ARNT2: variants seen among roughly 807,000 people sequenced by gnomAD.
ARNT2 encodes ARNT protein 2.
In ARNT2, 36 loss-of-function variants were observed where a neutral mutation model predicts 91.7. The ratio of observed to expected loss-of-function variants is 0.39; its 90% CI spans 0.30 to 0.52. ARNT2 has a LOEUF of 0.52. Ranked by LOEUF, ARNT2 falls within the 20% of genes least tolerant of loss-of-function variation. ARNT2 has a pLI of 0.72. For missense variants in ARNT2, 775 were observed against 939.3 expected (o/e 0.83, Z 2.29); for synonymous variants, 365 against 347.1 (o/e 1.05, Z -0.57).
In ARNT2 at chr15:80,503,258, C is replaced by T. The variant is rs113577110; in HGVS notation, c.623-4898C>T. ...TTCCATGACACTGGGATTCACAACC[C>T]AGTGCTGGGGCGATGGCCACTTGAT... On this transcript the variant is annotated intron_variant, in intron 5 of 18. Transcript: ENST00000303329. Among the ~76,000 whole-genome samples, 349 of 152,346 alleles carry T rather than the reference C, an allele frequency of 2.3e-3. 1 individual carries two copies. The highest frequency in any genetic ancestry group is 3.9e-3 in the Non-Finnish European group (263 of 68,030).
At chr15:80,406,777 G>A (rs950560251) in intron 1 of ARNT2, among the ~76,000 whole-genome samples, 22 of 152,316 alleles carry the variant, frequency 1.4e-4, no homozygotes, top group Middle Eastern at 3.4e-3. Flanking sequence ...GAGATCTTCA[G>A]CATGGTGATA....
intron 4 of ARNT2, among the ~76,000 whole-genome samples, chr15:80,471,125 C>A (rs1896725866): frequency 6.6e-6 from 1 of 152,216 alleles, no homozygotes; most frequent in African/African-American, 2.4e-5. Context: ...ATGGACTCAA[C>A]ATAAATGTTC....
intron 8 of ARNT2, among the ~76,000 whole-genome samples, chr15:80,549,323 C>T (rs1436470085): frequency 1.3e-5 from 2 of 152,086 alleles, no homozygotes. Flanking sequence ...TAAGAAATAG[C>T]TTTCTAACTA....
Position 80,475,153 on chromosome 15 carries a change from T to C in ARNT2, c.552T>C (p.Tyr184=). 6.2e-7 allele frequency: 1 copy of C among 1,614,220 alleles called. No homozygotes were observed. The highest frequency in any genetic ancestry group is 8.5e-7 in the Non-Finnish European group (1 of 1,180,050). ...PQSEWFGSTL[Y]EQVHPDDVEK... is the part of the protein sequence containing the mutation. ...CAGAGTGGTTTGGGAGCACACTGTA[T>C]GAACAGGTGCATCCTGATGACGTGG... Residue 184 remains tyrosine (Y), a synonymous_variant, in exon 5 of 19, where the codon TAT becomes TAC. Transcript: ENST00000303329.
chr15:80,565,560 C>T (rs1289836856), intron 12 of ARNT2, among the ~76,000 whole-genome samples: 4 of 143,188 alleles, frequency 2.8e-5, no homozygotes, highest in Admixed American at 2.1e-4. Context: ...TTACTTTTTA[C>T]TAATAGCCAT....
At chr15:80,435,197 C>T (rs1353137175) in intron 1 of ARNT2, among the ~76,000 whole-genome samples, 2 of 152,198 alleles carry the variant, frequency 1.3e-5, no homozygotes, top group Non-Finnish European at 2.9e-5. Flanking sequence ...CTGCCCTCGT[C>T]CTTTTCTCAG....
At chr15:80,501,204 G>A (rs182485494) in intron 5 of ARNT2, among the ~76,000 whole-genome samples, 100 of 152,160 alleles carry the variant, frequency 6.6e-4, no homozygotes, top group African/African-American at 2.3e-3. Flanking sequence ...CAGCACCCTT[G>A]GCCATAGGAA....
chr15:80,438,540 A>G (rs1196706519), intron 1 of ARNT2, among the ~76,000 whole-genome samples: 1 of 152,262 alleles, frequency 6.6e-6, no homozygotes, highest in Non-Finnish European at 1.5e-5. Context: ...TGTGAAGGCC[A>G]GCATACCAAA....
chr15:80,505,569 G>A (rs1407440968), intron 5 of ARNT2, among the ~76,000 whole-genome samples: 1 of 152,142 alleles, frequency 6.6e-6, no homozygotes, highest in East Asian at 1.9e-4. Flanking sequence ...CTATCTAAAG[G>A]AAGTACTATT....
At chr15:80,583,839 C>T (rs1898842654) in intron 17 of ARNT2, among the ~76,000 whole-genome samples, 1 of 152,212 alleles carries the variant, frequency 6.6e-6, no homozygotes, top group Non-Finnish European at 1.5e-5. Flanking sequence ...AATCCATTCA[C>T]AGGGGACCTC....
chr15:80,494,230 C>T (rs1361179778), intron 5 of ARNT2, among the ~76,000 whole-genome samples: 1 of 152,218 alleles, frequency 6.6e-6, no homozygotes, highest in African/African-American at 2.4e-5. Flanking sequence ...TTCAATATCT[C>T]TCTATTTTAA....
chr15:80,475,482 C>A, intron 5 of ARNT2: 1 of 356,790 alleles, frequency 2.8e-6, no homozygotes, highest in Non-Finnish European at 5.3e-6. Flanking sequence ...ATGGCATGAA[C>A]CTGGGAGGCA....
rs1020885876 is a variant in ARNT2 at position 80,471,583 on chromosome 15, C to T, written c.408+1152C>T. Among the ~76,000 whole-genome samples, 5 of 152,058 alleles carry T rather than the reference C, an allele frequency of 3.3e-5. No homozygotes were observed. The South Asian group carries it at 6.2e-4, about 19-fold the overall frequency. ...TGGCAGCAGTAGTGATAATAGTAGC[C>T]GCGATCAGAGCACTTAGCCGGCCGG... is the stretch of plus-strand genomic sequence containing the variant. On this transcript the variant is annotated intron_variant, in intron 4 of 18. Coordinates refer to ENST00000303329, the MANE Select transcript of ARNT2 (RefSeq NM_014862.4).
intron 6 of ARNT2, among the ~76,000 whole-genome samples, chr15:80,512,907 C>CA: frequency 6.6e-6 from 1 of 152,292 alleles, no homozygotes; most frequent in East Asian, 1.9e-4. Context: ...CTACTGAGAA[C>CA]ATAACATTTT....
Position 80,424,577 on chromosome 15 carries a change from A to G in ARNT2, c.31+20031A>G, listed in dbSNP as rs138029940. Among the ~76,000 whole-genome samples the G allele has an allele frequency of 4.3e-3, 648 of 152,248 alleles. 4 individuals are homozygous for G. The highest frequency in any genetic ancestry group is 0.015 in the African/African-American group (613 of 41,530). On this transcript the variant is annotated intron_variant, in intron 1 of 18. Coordinates refer to ENST00000303329, the MANE Select transcript of ARNT2 (RefSeq NM_014862.4). ...TCCAGCCATGGCAGTGGTATTGCCC[A>G]TGTCCCACTTGGTTTTATTATGGCA...
chr15:80,574,680 T>G (rs1898638501), intron 13 of ARNT2, among the ~76,000 whole-genome samples: 1 of 152,216 alleles, frequency 6.6e-6, no homozygotes, highest in South Asian at 2.1e-4. Context: ...CTCCACATGA[T>G]GTCCACTTTT....
chr15:80,533,503 G>T (rs531942879), intron 8 of ARNT2, among the ~76,000 whole-genome samples: 5 of 152,178 alleles, frequency 3.3e-5, no homozygotes, highest in Admixed American at 6.5e-5. Flanking sequence ...CCCAAAACTG[G>T]TTGGGTGGCA....
chr15:80,569,202 CCT>C (rs1898541023), intron 12 of ARNT2, among the ~76,000 whole-genome samples: 1 of 152,174 alleles, frequency 6.6e-6, no homozygotes, highest in African/African-American at 2.4e-5. Flanking sequence ...AGTAAAAACC[CCT>C]GTCCAGGGAG....
intron 6 of ARNT2, among the ~76,000 whole-genome samples, chr15:80,508,652 A>G (rs1897304310): frequency 6.6e-6 from 1 of 152,164 alleles, no homozygotes; most frequent in Admixed American, 6.5e-5. Context: ...CACAATTCAC[A>G]CATTTACTTG....
Sources: gnomAD v4.1 joint callset for allele counts (sites outside exome capture counted in the v4.1 genomes callset) on GRCh38, gnomAD v4.1.1 for gene constraint, MANE v1.5 for transcripts, NCBI Gene and HGNC (gene_info 2026-07-23, HGNC 2026-07-21) for gene names.